The following KMT2E variants were observed in gnomAD, a reference collection of about 807,000 sequenced individuals.
KMT2E encodes the protein lysine methyltransferase 2E (inactive).
Under a neutral mutation model 184.6 loss-of-function variants are expected in KMT2E, and 30 were observed. That is an observed-to-expected ratio of 0.16 (90% CI 0.12 to 0.22). The LOEUF is 0.22. Among genes scored for constraint, KMT2E ranks in the 10% least tolerant of loss-of-function variants. The pLI is 1.00. For missense variants in KMT2E, 2,023 were observed against 2,237.4 expected (o/e 0.90, Z 1.93); for synonymous variants, 815 against 776.5 (o/e 1.05, Z -0.82).
intron 15 of KMT2E, among the ~76,000 whole-genome samples, chr7:105,100,177 T>C (rs909790457): frequency 6.6e-6 from 1 of 152,184 alleles, no homozygotes; most frequent in East Asian, 1.9e-4. Flanking sequence ...ATGTTTGCAA[T>C]ATGGAAATTT....
At chr7:105,019,143 TGAA>T (rs1351219989) in intron 1 of KMT2E, among the ~76,000 whole-genome samples, 1 of 152,156 alleles carries the variant, frequency 6.6e-6, no homozygotes, top group Non-Finnish European at 1.5e-5. Context: ...AAAAATCAAA[TGAA>T]GGTGACCCAG....
chr7:105,107,257 T>G, intron 21 of KMT2E, 35 bp downstream of exon 21: 1 of 1,511,950 alleles, frequency 6.6e-7, no homozygotes, highest in Non-Finnish European at 9.0e-7. Context: ...GAATTGGTAG[T>G]TTTTTTCCTA....
intron 3 of KMT2E, among the ~76,000 whole-genome samples, chr7:105,044,122 A>T (rs1796001661): frequency 1.3e-5 from 2 of 152,132 alleles, no homozygotes; most frequent in South Asian, 4.1e-4. Context: ...AAATAATTCT[A>T]CTTCTGATGA....
At chr7:105,067,639 A>G (rs1797089302) in intron 6 of KMT2E, among the ~76,000 whole-genome samples, 1 of 152,184 alleles carries the variant, frequency 6.6e-6, no homozygotes, top group South Asian at 2.1e-4. Flanking sequence ...GTGTGTATAT[A>G]TATTTCAGAA....
chr7:105,073,035 A>T lies in KMT2E; in HGVS notation c.498-584A>T, dbSNP rs1013256535. On this transcript the variant is annotated intron_variant, in intron 6 of 26. Coordinates refer to ENST00000311117, the MANE Select transcript of KMT2E (RefSeq NM_182931.3). ...AAATTTAATTTATGATTTTAATTAC[A>T]TGTTAACATTATGGGTTTTTTTTTT... 3.3e-5 allele frequency among the ~76,000 whole-genome samples: 5 copies of T among 151,708 alleles called. No individual in the cohort carries two copies. The East Asian group carries it at 7.7e-4, about 23-fold the overall frequency.
At chr7:105,034,752 C>G (rs1222935801) in intron 1 of KMT2E, among the ~76,000 whole-genome samples, 1 of 150,982 alleles carries the variant, frequency 6.6e-6, no homozygotes, top group Non-Finnish European at 1.5e-5. Flanking sequence ...TCTACCCCTT[C>G]CCTTCTGAAT....
At chr7:105,097,433 T>G (rs371205636) in intron 15 of KMT2E, among the ~76,000 whole-genome samples, 2 of 152,222 alleles carry the variant, frequency 1.3e-5, no homozygotes, top group East Asian at 3.9e-4. Context: ...TTGCCAGGCC[T>G]GGAGTGCAGT....
chr7:105,041,066 ACCC>A, intron 3 of KMT2E, 43 bp downstream of exon 3: 4 of 1,156,692 alleles, frequency 3.5e-6, no homozygotes, highest in Admixed American at 2.1e-5. Context: ...AAAAAAAAAA[ACCC>A]TTCTGGAGCT....
At chr7:105,102,415 A>G (rs929965381) in intron 17 of KMT2E, 13 of 388,828 alleles carry the variant, frequency 3.3e-5, no homozygotes, top group Non-Finnish European at 5.0e-5. Flanking sequence ...CAGGACTTTT[A>G]TGGTATTGCA....
At chr7:105,108,485 G>A in intron 22 of KMT2E, 1 of 439,808 alleles carries the variant, frequency 2.3e-6, no homozygotes, top group Non-Finnish European at 4.6e-6. Flanking sequence ...TTGTTAGTAG[G>A]CTTATTGCTT....
chr7:105,078,776 G>T, intron 11 of KMT2E, 70 bp from the exon 12 acceptor site: 1 of 756,770 alleles, frequency 1.3e-6, no homozygotes, highest in South Asian at 1.5e-5. Context: ...CCAAAGTGCT[G>T]GAATTACAGG....
chr7:105,017,890 G>GT (rs1362649133), intron 1 of KMT2E, among the ~76,000 whole-genome samples: 1 of 152,120 alleles, frequency 6.6e-6, no homozygotes, highest in Admixed American at 6.5e-5. Context: ...CGTCAACTCT[G>GT]TAAGACTGAT....
chr7:105,048,222 A>G (rs770561803), intron 3 of KMT2E, among the ~76,000 whole-genome samples: 4 of 152,086 alleles, frequency 2.6e-5, no homozygotes, highest in Non-Finnish European at 5.9e-5. Context: ...TTTTTTGTAC[A>G]GATAGGGTTT....
At chr7:105,096,513 G>A (rs760225413) in intron 15 of KMT2E, among the ~76,000 whole-genome samples, 8 of 152,120 alleles carry the variant, frequency 5.3e-5, no homozygotes, top group East Asian at 1.9e-4. Flanking sequence ...AGGAAGTCAC[G>A]TAGGCAAGAG....
rs1259951496 is a variant in KMT2E, at chr7:105,114,062, TA to T, written c.*732del. 1 of 152,654 alleles carries T rather than the reference TA, an allele frequency of 6.6e-6. No individual in the cohort carries two copies. The highest frequency in any genetic ancestry group is 2.4e-5 in the African/African-American group (1 of 41,466). The allele number at this position is 152,654 out of a possible 1,614,324, so 9.5% of individuals were successfully genotyped here. A position where few individuals can be genotyped will look rare whatever the true frequency, so the allele number is the denominator to read the frequency against. ...GGTTGGGCATTTTAATTCATGTTAA[TA>T]AATCACAATTATGTCAGTTTTACCA... On this transcript the variant is annotated 3_prime_UTR_variant, in exon 27 of 27. Transcript: ENST00000311117.
At chr7:105,055,591 T>C (rs960946306) in intron 3 of KMT2E, among the ~76,000 whole-genome samples, 1 of 152,262 alleles carries the variant, frequency 6.6e-6, no homozygotes, top group African/African-American at 2.4e-5. Context: ...TCTGGTTCAT[T>C]ACATTTAAGT....
intron 1 of KMT2E, among the ~76,000 whole-genome samples, chr7:105,033,698 G>T (rs890096844): frequency 6.6e-6 from 1 of 151,918 alleles, no homozygotes; most frequent in Non-Finnish European, 1.5e-5. Context: ...ATGGGGTTTC[G>T]CTGTGTTAGC....
At position 105,077,128 on chromosome 7, in the gene KMT2E, G is replaced by C. The variant is rs940581045; in HGVS notation, c.934G>C (p.Asp312His). The C allele has an allele frequency of 3.7e-6, 6 of 1,613,732 alleles. No homozygotes were observed. The African/African-American group carries it at 6.7e-5, about 18-fold the overall frequency. Residue 312 changes from aspartate to histidine, a missense_variant, in exon 10 of 27, where the codon GAC becomes CAC. This residue lies in a region of KMT2E where 191 missense variants were observed against 209.0 expected (regional missense o/e 0.91). Transcript: ENST00000311117. The part of the protein sequence containing the change: ...RIALRLGNGN[D>H]KKEMNKSDLN... ...AGCTCTGAGATTAGGCAATGGAAAT[G>C]ACAAAAAAGAGATGAATAAATCCGA...
intron 1 of KMT2E, among the ~76,000 whole-genome samples, chr7:105,021,914 C>G (rs1794972139): frequency 6.6e-6 from 1 of 152,104 alleles, no homozygotes. Flanking sequence ...GTAAAATTTA[C>G]TGAAAATTTA....
Sources: allele counts gnomAD v4.1 joint callset (sites outside exome capture counted in the v4.1 genomes callset), GRCh38; gene constraint gnomAD v4.1.1; regional missense constraint gnomAD v4.1.1; transcripts MANE v1.5; gene names NCBI Gene and HGNC (gene_info 2026-07-23, HGNC 2026-07-21).